NRP2: variants seen among roughly 807,000 people sequenced by gnomAD.
The protein encoded by NRP2 is neuropilin 2.
Under a neutral mutation model 110.4 loss-of-function variants are expected in NRP2, and 52 were observed. The observed-to-expected ratio is 0.47, with a 90% confidence interval of 0.38 to 0.59. The LOEUF (loss-of-function observed/expected upper bound fraction) is 0.59, where lower values mean the gene tolerates loss of function less well. Among genes scored for constraint, NRP2 ranks in the 20% least tolerant of loss-of-function variants. The pLI, the probability that NRP2 is intolerant of heterozygous loss-of-function variation, is 0.00. For synonymous variants in NRP2, 508 were observed against 468.9 expected (o/e 1.08, Z -1.08); for missense variants, 1,049 against 1,203.0 (o/e 0.87, Z 1.89).
At chr2:205,741,514 TG>T (rs1406671034) in intron 8 of NRP2, among the ~76,000 whole-genome samples, 1 of 151,922 alleles carries the variant, frequency 6.6e-6, no homozygotes, top group African/African-American at 2.4e-5. Context: ...AAGACCAGAG[TG>T]GGAGTTGGGA....
intron 2 of NRP2, among the ~76,000 whole-genome samples, chr2:205,699,443 C>T (rs1487584671): frequency 6.6e-6 from 1 of 152,148 alleles, no homozygotes; most frequent in Non-Finnish European, 1.5e-5. Flanking sequence ...CTTATGACAG[C>T]AAATCTCCCA....
chr2:205,792,156 C>T (rs2058308470), intron 15 of NRP2, 79 bp from the exon 16 acceptor site: 29 of 928,828 alleles, frequency 3.1e-5, no homozygotes, highest in Middle Eastern at 2.1e-4. Context: ...GAGTCATTCT[C>T]GTAAAGATTG....
chr2:205,776,405 C>G, intron 15 of NRP2: 1 of 1,613,516 alleles, frequency 6.2e-7, no homozygotes, highest in Non-Finnish European at 8.5e-7. Flanking sequence ...TTCCGCTATG[C>G]GGCCAAGAAG....
rs1700436224 is a variant in NRP2 at position 205,697,710 on chromosome 2, G to A, written c.240G>A (p.Lys80=). The change falls in exon 2 of 17, where the codon AAG becomes AAA. Residue 80 remains lysine, a synonymous_variant. Coordinates refer to ENST00000357785, the MANE Select transcript of NRP2 (RefSeq NM_003872.3). The stretch of plus-strand genomic sequence containing the variant: ...TCAACCCTCACTTTGAAATCGAGAA[G>A]CACGACTGCAAGTAAGCACCGTCCT... The part of the protein sequence containing the change: ...LNFNPHFEIE[K]HDCKYDFIEI... The A allele has an allele frequency of 6.2e-7, 1 of 1,613,954 alleles. No individual in the cohort carries two copies. The highest frequency in any genetic ancestry group is 8.5e-7 in the Non-Finnish European group (1 of 1,179,996).
Position 205,797,058 on chromosome 2 carries a change from T to C in NRP2, c.*2000T>C, listed in dbSNP as rs1213196465. The C allele has an allele frequency of 6.5e-6, 1 of 152,712 alleles. No homozygotes were observed. The highest frequency in any genetic ancestry group is 1.5e-5 in the Non-Finnish European group (1 of 68,060). 9.5% of individuals were successfully genotyped at this position (152,712 alleles called of 1,614,324 possible). On this transcript the variant is annotated 3_prime_UTR_variant, in exon 17 of 17. Transcript: ENST00000357785. ...TGTGTGTCTTTGCTGCTTTGAGTTC[T>C]CTGTATCTACTGTGTATGTGAATGG...
chr2:205,694,218 A>T (rs1433115888), intron 1 of NRP2, among the ~76,000 whole-genome samples: 1 of 152,264 alleles, frequency 6.6e-6, no homozygotes, highest in Non-Finnish European at 1.5e-5. Flanking sequence ...AGAGTTTAAA[A>T]CAATCTGATA....
At chr2:205,744,805 A>G (rs931759633) in intron 9 of NRP2, among the ~76,000 whole-genome samples, 1 of 152,234 alleles carries the variant, frequency 6.6e-6, no homozygotes, top group Admixed American at 6.5e-5. Flanking sequence ...AGAGGCTTAG[A>G]AAGGCTCAGG....
intron 15 of NRP2, among the ~76,000 whole-genome samples, chr2:205,787,497 T>A (rs745571902): frequency 6.6e-6 from 1 of 152,206 alleles, no homozygotes; most frequent in Non-Finnish European, 1.5e-5. Context: ...GACTTCTCAC[T>A]TTCCTGGCCA....
At chr2:205,778,415 G>C (rs898688127) in intron 15 of NRP2, 35 of 152,284 alleles carry the variant, frequency 2.3e-4, no homozygotes, top group African/African-American at 8.2e-4. Flanking sequence ...CCAAGAAAAG[G>C]CAAGATGAAA....
At position 205,763,869 on chromosome 2, in the gene NRP2, G is replaced by A. The variant is rs560207567; in HGVS notation, c.2240G>A (p.Arg747His). ...SQESKLLWVI[R>H]EDQGGEWKHG... The stretch of plus-strand genomic sequence containing the variant: ...GAGAGCAAGTTGCTGTGGGTCATCC[G>A]TGAGGACCAGGGCGGCGAGTGGAAG... The change falls in exon 13 of 17, where the codon CGT becomes CAT. Residue 747 changes from arginine to histidine, a missense_variant. Physicochemically the swap from Arg to His is conservative, Grantham distance 29 (BLOSUM62 0). Transcript: ENST00000357785. This position sits in a 1 kb window ranked among gnomAD's most constrained non-coding sequence, Gnocchi z 4.0. The A allele has an allele frequency of 1.9e-6, 3 of 1,614,148 alleles. No homozygotes were observed. The highest frequency in any genetic ancestry group is 1.1e-5 in the South Asian group (1 of 91,086).
chr2:205,787,529 T>C (rs116348598), intron 15 of NRP2, among the ~76,000 whole-genome samples: 283 of 152,302 alleles, frequency 1.9e-3, no homozygotes, highest in African/African-American at 6.4e-3. Context: ...TCCTTTACAA[T>C]GCGGGAAGTA....
chr2:205,684,415 G>A (rs2056095211), intron 1 of NRP2, among the ~76,000 whole-genome samples: 1 of 152,174 alleles, frequency 6.6e-6, no homozygotes, highest in Non-Finnish European at 1.5e-5. Flanking sequence ...AGGCGAAAAA[G>A]CCTTCCTGAA....
At chr2:205,713,953 A>T (rs2056846049) in intron 2 of NRP2, among the ~76,000 whole-genome samples, 3 of 152,234 alleles carry the variant, frequency 2.0e-5, no homozygotes, top group Non-Finnish European at 4.4e-5. Context: ...AATGCCTTTC[A>T]GAATGTTTGA....
rs2056181930 is a variant in NRP2, at chr2:205,686,921, C to A, written c.73+3558C>A. ...GAACGTCCCCTTTGCTAGAGTTAAT[C>A]ATGATCTGCGGGGGGACTGGGTTTT... On this transcript the variant is annotated intron_variant, in intron 1 of 16. Transcript: ENST00000357785. The surrounding 1 kb of genome is among the most constrained non-coding windows in gnomAD (Gnocchi z 4.7). 6.6e-6 allele frequency among the ~76,000 whole-genome samples: 1 copy of A among 152,204 alleles called. No homozygotes were observed. Among genetic ancestry groups the A allele is most frequent in the African/African-American group, 2.4e-5 (1 of 41,450 alleles).
intron 12 of NRP2, among the ~76,000 whole-genome samples, chr2:205,753,635 G>A (rs966501875): frequency 9.9e-5 from 15 of 152,228 alleles, no homozygotes; most frequent in African/African-American, 3.4e-4. Flanking sequence ...CTTCTAAACA[G>A]GTAGCAAGAG....
chr2:205,715,724 A>AT (rs534892141), intron 2 of NRP2, among the ~76,000 whole-genome samples: 77 of 151,858 alleles, frequency 5.1e-4, no homozygotes, highest in African/African-American at 1.2e-3. Context: ...TTACATATAT[A>AT]TTTTTTTTCA....
chr2:205,708,436 A>C (rs2056730783), intron 2 of NRP2, among the ~76,000 whole-genome samples: 1 of 152,204 alleles, frequency 6.6e-6, no homozygotes, highest in African/African-American at 2.4e-5. Flanking sequence ...CCAAAGGACC[A>C]GTGCAGAAGT....
intron 1 of NRP2, among the ~76,000 whole-genome samples, chr2:205,693,956 A>T (rs559912448): frequency 6.6e-6 from 1 of 152,254 alleles, no homozygotes; most frequent in Non-Finnish European, 1.5e-5. Flanking sequence ...CTTTAAAACA[A>T]TGCCAACTAC....
In NRP2 at chr2:205,763,621, G is replaced by A. The variant is rs1433834420; in HGVS notation, c.2045-53G>A. The A allele has an allele frequency of 2.6e-5, 42 of 1,611,608 alleles. No homozygotes were observed. The highest frequency in any genetic ancestry group is 2.2e-4 in the East Asian group (10 of 44,882). On this transcript the variant is annotated intron_variant, in intron 12 of 16. Coordinates refer to ENST00000357785, the MANE Select transcript of NRP2 (RefSeq NM_003872.3). This position sits in a 1 kb window ranked among gnomAD's most constrained non-coding sequence, Gnocchi z 4.0. Reference sequence around the variant, plus strand: ...TTGGAGAGGCCACAGCAGCACACTGGTGTCTTTCCCGAGTGTTTATGGAGA... The same window carrying A: ...TTGGAGAGGCCACAGCAGCACACTGATGTCTTTCCCGAGTGTTTATGGAGA...
Sources: allele counts gnomAD v4.1 joint callset (sites outside exome capture counted in the v4.1 genomes callset), GRCh38; gene constraint gnomAD v4.1.1; non-coding constraint Gnocchi (gnomAD v3.1); transcripts MANE v1.5; gene names NCBI Gene and HGNC (gene_info 2026-07-23, HGNC 2026-07-21).